The following CSGALNACT1 variants were observed in gnomAD, a reference collection of about 807,000 sequenced individuals.
The protein encoded by CSGALNACT1 is beta4GalNAcT-1.
CSGALNACT1 carries 52 observed loss-of-function variants against 51.0 expected under a neutral mutation model. The ratio of observed to expected loss-of-function variants is 1.02; its 90% CI spans 0.82 to 1.29. The LOEUF (loss-of-function observed/expected upper bound fraction) is 1.29, where lower values mean the gene tolerates loss of function less well. Among genes scored for constraint, CSGALNACT1 ranks in the 50% most tolerant of loss-of-function variants. The pLI is 0.00. For missense variants in CSGALNACT1, 935 were observed against 679.2 expected, an observed-to-expected ratio of 1.38 and a Z score of -4.19; for synonymous variants, 341 against 254.4, an observed-to-expected ratio of 1.34 and a Z score of -3.24.
exon 10 of CSGALNACT1, chr8:19,405,786 T>C (rs751293282): frequency 6.2e-7 from 1 of 1,614,198 alleles, no homozygotes; most frequent in South Asian, 1.1e-5. Flanking sequence ...GAGTTCATGT[T>C]TTTTTGCTAC....
chr8:19,682,517 C>A, exon 1 of CSGALNACT1: 4 of 399,464 alleles, frequency 1.0e-5, no homozygotes, highest in South Asian at 7.2e-5. Flanking sequence ...CACCCCTGCC[C>A]GGGGACGTAT....
chr8:19,756,597 T>C (rs1439729902), intron 1 of CSGALNACT1, among the ~76,000 whole-genome samples: 3 of 144,596 alleles, frequency 2.1e-5, no homozygotes, highest in East Asian at 2.3e-4. Context: ...CCCAAGATCA[T>C]GCCCTCGAAC....
intron 1 of CSGALNACT1, among the ~76,000 whole-genome samples, chr8:19,679,166 C>A (rs1319637443): frequency 1.3e-5 from 2 of 152,140 alleles, no homozygotes; most frequent in Non-Finnish European, 2.9e-5. Flanking sequence ...CCATAAGAAA[C>A]TTCCTCTTGG....
chr8:19,512,644 T>A (rs2154015870), intron 3 of CSGALNACT1, among the ~76,000 whole-genome samples: 1 of 152,290 alleles, frequency 6.6e-6, no homozygotes, highest in East Asian at 1.9e-4. Flanking sequence ...GTTCTCCGTT[T>A]GAGAAAATAA....
intron 3 of CSGALNACT1, among the ~76,000 whole-genome samples, chr8:19,556,702 C>G (rs535475320): frequency 1.4e-4 from 21 of 151,224 alleles, no homozygotes; most frequent in Admixed American, 1.2e-3. Context: ...TTTTTTTTCT[C>G]TCCTAGGATA....
At chr8:19,528,842 G>A (rs1285332258) in intron 3 of CSGALNACT1, among the ~76,000 whole-genome samples, 7 of 152,134 alleles carry the variant, frequency 4.6e-5, no homozygotes, top group Admixed American at 1.3e-4. Context: ...AGAAAATAAA[G>A]ATATCAAACC....
intron 1 of CSGALNACT1, among the ~76,000 whole-genome samples, chr8:19,618,179 C>T (rs1426300352): frequency 2.4e-4 from 36 of 152,236 alleles, no homozygotes; most frequent in Non-Finnish European, 1.5e-5. Flanking sequence ...CTGCAACTGG[C>T]TATGCCTGTA....
At chr8:19,634,634 C>G (rs2055765383) in intron 1 of CSGALNACT1, among the ~76,000 whole-genome samples, 1 of 152,162 alleles carries the variant, frequency 6.6e-6, no homozygotes, top group Non-Finnish European at 1.5e-5. Context: ...TGTATTCCAG[C>G]CTGGGCAACA....
chr8:19,539,501 G>C (rs900159361), intron 3 of CSGALNACT1, among the ~76,000 whole-genome samples: 1 of 152,262 alleles, frequency 6.6e-6, no homozygotes, highest in Non-Finnish European at 1.5e-5. Flanking sequence ...GTACGTTTTT[G>C]ACTGGAAGGG....
At chr8:19,708,529 C>T (rs970696146) in intron 1 of CSGALNACT1, among the ~76,000 whole-genome samples, 1 of 152,208 alleles carries the variant, frequency 6.6e-6, no homozygotes, top group Non-Finnish European at 1.5e-5. Context: ...TCCAACTACT[C>T]AGCTACAAAA....
At chr8:19,722,749 G>C (rs769424086) in intron 1 of CSGALNACT1, among the ~76,000 whole-genome samples, 1 of 152,180 alleles carries the variant, frequency 6.6e-6, no homozygotes, top group Non-Finnish European at 1.5e-5. Context: ...CATTAACCAA[G>C]CCCAAAGTGC....
intron 3 of CSGALNACT1, among the ~76,000 whole-genome samples, chr8:19,515,180 C>T (rs1287740643): frequency 1.3e-5 from 2 of 151,662 alleles, no homozygotes; most frequent in Non-Finnish European, 2.9e-5. Flanking sequence ...TGCTGTCAGG[C>T]CATGTCCTTT....
At chr8:19,437,227 G>C (rs1417487736) in intron 6 of CSGALNACT1, among the ~76,000 whole-genome samples, 1 of 152,140 alleles carries the variant, frequency 6.6e-6, no homozygotes, top group Non-Finnish European at 1.5e-5. Context: ...CTTAGGTGGG[G>C]AGTGATGGGG....
At chr8:19,613,041 C>G (rs1210231837) in intron 1 of CSGALNACT1, among the ~76,000 whole-genome samples, 1 of 142,440 alleles carries the variant, frequency 7.0e-6, no homozygotes, top group Non-Finnish European at 1.5e-5. Flanking sequence ...TTTTCATATC[C>G]ATATTTTGGG....
chr8:19,494,601 G>C (rs774201971), intron 4 of CSGALNACT1, among the ~76,000 whole-genome samples: 14 of 152,280 alleles, frequency 9.2e-5, no homozygotes, highest in Middle Eastern at 3.4e-3. Flanking sequence ...GAATATCCAA[G>C]TCTTTAACAA....
intron 1 of CSGALNACT1, among the ~76,000 whole-genome samples, chr8:19,676,084 T>TAAAAAAAAAAAAAAAAAAA (rs148674039): frequency 9.4e-6 from 1 of 106,202 alleles, no homozygotes; most frequent in African/African-American, 3.7e-5. Flanking sequence ...TTGTCTGATT[T>TAAAAAAAAAAAAAAAAAAA]AAAAAACAAA....
chr8:19,643,774 A>G (rs1442475620), intron 1 of CSGALNACT1, among the ~76,000 whole-genome samples: 2 of 152,246 alleles, frequency 1.3e-5, no homozygotes, highest in Non-Finnish European at 2.9e-5. Flanking sequence ...CAAATTAACC[A>G]GGATAGCACA....
At chr8:19,610,048 C>T (rs1185273838) in intron 1 of CSGALNACT1, among the ~76,000 whole-genome samples, 1 of 151,748 alleles carries the variant, frequency 6.6e-6, no homozygotes, top group African/African-American at 2.4e-5. Flanking sequence ...ATGGTGAAAC[C>T]CCGTCTCTAC....
intron 1 of CSGALNACT1, among the ~76,000 whole-genome samples, chr8:19,707,985 G>C (rs1449196616): frequency 2.6e-5 from 4 of 152,172 alleles, no homozygotes; most frequent in African/African-American, 7.2e-5. Context: ...TCCAGCCTGG[G>C]TGACGGAGCG....
Sources: allele counts gnomAD v4.1 joint callset (sites outside exome capture counted in the v4.1 genomes callset), GRCh38; gene constraint gnomAD v4.1.1; transcripts MANE v1.5; gene names NCBI Gene and HGNC (gene_info 2026-07-23, HGNC 2026-07-21).